Variants in HPRT1 observed in about 807,000 individuals in gnomAD.
The protein encoded by HPRT1 is hypoxanthine-guanine phosphoribosyltransferase.
Under a neutral mutation model 19.0 loss-of-function variants are expected in HPRT1, and 4 were observed. That is an observed-to-expected ratio of 0.21 (90% CI 0.10 to 0.48). HPRT1 has a LOEUF of 0.48. Ranked by LOEUF, HPRT1 falls within the 20% of genes least tolerant of loss-of-function variation. HPRT1 has a pLI of 0.98. For synonymous variants in HPRT1, 53 were observed against 54.9 expected, an observed-to-expected ratio of 0.97 and a Z score of 0.15; for missense variants, 65 against 164.0, an observed-to-expected ratio of 0.40 and a Z score of 3.30.
chrX:134,499,373 G>C (rs975482898), intron 8 of HPRT1, among the ~76,000 whole-genome samples: 1 of 111,346 alleles, frequency 9.0e-6, no homozygotes, highest in Non-Finnish European at 1.9e-5. Context: ...AGCTACCTGG[G>C]AGGCTGAGGC....
intron 3 of HPRT1, among the ~76,000 whole-genome samples, chrX:134,481,505 C>CTCTA (rs35832135): frequency 0.15 from 14,821 of 95,995 alleles, 1,056 homozygotes; most frequent in African/African-American, 0.19. Context: ...ATCTGTCTAT[C>CTCTA]TCTATCTATC....
intron 1 of HPRT1, among the ~76,000 whole-genome samples, chrX:134,464,999 C>T (rs1370113645): frequency 1.8e-5 from 2 of 109,614 alleles, no homozygotes; most frequent in Non-Finnish European, 3.8e-5. Context: ...CAGCTCACTG[C>T]AATCTCTGCC....
chrX:134,483,020 TA>T (rs1412627645), intron 3 of HPRT1, among the ~76,000 whole-genome samples: 36 of 100,147 alleles, frequency 3.6e-4, no homozygotes, highest in Admixed American at 4.3e-4. Flanking sequence ...TGTTTTCCGA[TA>T]AAAAAAAAAA....
chrX:134,460,550 G>A (rs902581102), intron 1 of HPRT1: 7 of 249,835 alleles, frequency 2.8e-5, no homozygotes, highest in Non-Finnish European at 4.9e-5. Context: ...GTCCCTCCTC[G>A]GGGGAGCCCT....
intron 5 of HPRT1, among the ~76,000 whole-genome samples, chrX:134,491,663 C>CGTCA (rs1410507695): frequency 9.1e-6 from 1 of 110,191 alleles, no homozygotes; most frequent in Non-Finnish European, 1.9e-5. Context: ...CCAGCTCAAA[C>CGTCA]GTCACCTCCA....
intron 3 of HPRT1, among the ~76,000 whole-genome samples, chrX:134,475,975 G>A (rs1268541084): frequency 3.6e-5 from 4 of 111,805 alleles, no homozygotes; most frequent in African/African-American, 6.5e-5. Context: ...TAATTTGATC[G>A]TGCAAACGTT....
chrX:134,473,410 C>A lies in HPRT1; in HGVS notation c.79C>A (p.His27Asn). ...YDLDLFCIPN[H>N]YAEDLERVFI... is the part of the protein sequence containing the mutation. ...CCTTGATTTATTTTGCATACCTAAT[C>A]ATTATGCTGAGGATTTGGAAAGGGT... is the stretch of plus-strand genomic sequence containing the variant. Residue 27 changes from histidine (H) to asparagine (N), a missense_variant, in exon 2 of 9, where the codon CAT (histidine) becomes AAT (asparagine). Coordinates refer to ENST00000298556, the MANE Select transcript of HPRT1 (RefSeq NM_000194.3). 8.4e-7 allele frequency: 1 copy of A among 1,195,990 alleles called. No individual in the cohort carries two copies.
intron 5 of HPRT1, among the ~76,000 whole-genome samples, 194 bp downstream of exon 5, chrX:134,490,399 TC>T (rs1489756514): frequency 7.4e-5 from 8 of 108,673 alleles, no homozygotes; most frequent in Non-Finnish European, 1.5e-4. Context: ...ATGGTATACT[TC>T]CTACCTCTCT....
At chrX:134,498,540 C>T (rs1190768261) in intron 7 of HPRT1, 68 bp from the exon 8 acceptor site, 1 of 974,140 alleles carries the variant, frequency 1.0e-6, no homozygotes, top group African/African-American at 1.9e-5. Flanking sequence ...TAGAGAGGCA[C>T]ATTTGCCAGT....
intron 6 of HPRT1, among the ~76,000 whole-genome samples, chrX:134,496,191 C>T (rs1247458926): frequency 8.9e-6 from 1 of 111,864 alleles, no homozygotes; most frequent in Non-Finnish European, 1.9e-5. Context: ...CTGTTTTACA[C>T]CAGTAACATA....
chrX:134,461,408 A>G (rs1443957296), intron 1 of HPRT1, among the ~76,000 whole-genome samples: 1 of 112,160 alleles, frequency 8.9e-6, no homozygotes, highest in Non-Finnish European at 1.9e-5. Flanking sequence ...AAGCGATTCT[A>G]TTTCATATTA....
chrX:134,468,984 C>T (rs2077604190), intron 1 of HPRT1, among the ~76,000 whole-genome samples: 1 of 110,394 alleles, frequency 9.1e-6, no homozygotes, highest in South Asian at 3.8e-4. Flanking sequence ...TCACAAACTC[C>T]TGACCTCAAG....
At chrX:134,460,522 T>C (rs2077580126) in intron 1 of HPRT1, 184 bp downstream of exon 1, 8 of 272,585 alleles carry the variant, frequency 2.9e-5, no homozygotes, top group Non-Finnish European at 1.9e-5. Flanking sequence ...GAGGACGGAA[T>C]GGCGGGGTTT....
chrX:134,481,222 A>G (rs1204377450), intron 3 of HPRT1, among the ~76,000 whole-genome samples: 3 of 110,786 alleles, frequency 2.7e-5, no homozygotes, highest in African/African-American at 9.9e-5. Context: ...TGTTCATCCT[A>G]CATATCTGCT....
At chrX:134,464,850 A>G (rs2077592882) in intron 1 of HPRT1, among the ~76,000 whole-genome samples, 1 of 110,568 alleles carries the variant, frequency 9.0e-6, no homozygotes, top group Admixed American at 9.8e-5. Context: ...TACAGGTGGG[A>G]GCCACTACGC....
At chrX:134,467,247 C>T (rs967641397) in intron 1 of HPRT1, among the ~76,000 whole-genome samples, 13 of 111,019 alleles carry the variant, frequency 1.2e-4, no homozygotes, top group African/African-American at 3.6e-4. Flanking sequence ...GACAGGGTTT[C>T]GCCATGTTGG....
intron 1 of HPRT1, among the ~76,000 whole-genome samples, chrX:134,467,168 G>A (rs1053429757): frequency 5.8e-5 from 6 of 104,287 alleles, no homozygotes; most frequent in Non-Finnish European, 1.2e-4. Flanking sequence ...CTCCTGCCTC[G>A]GCCTCCCAAG....
intron 1 of HPRT1, among the ~76,000 whole-genome samples, chrX:134,464,674 T>G (rs1351693154): frequency 2.7e-5 from 3 of 111,095 alleles, no homozygotes; most frequent in Non-Finnish European, 5.7e-5. Context: ...GACTCCCTGG[T>G]TCAAGCGATT....
chrX:134,479,890 G>A (rs2077634801), intron 3 of HPRT1, among the ~76,000 whole-genome samples: 1 of 111,238 alleles, frequency 9.0e-6, no homozygotes, highest in African/African-American at 3.3e-5. Context: ...ACAGGCATGG[G>A]CCACTGTACC....
Sources: gnomAD v4.1 joint callset for allele counts (sites outside exome capture counted in the v4.1 genomes callset) on GRCh38, gnomAD v4.1.1 for gene constraint, MANE v1.5 for transcripts, NCBI Gene and HGNC (gene_info 2026-07-23, HGNC 2026-07-21) for gene names.